The following AFF1 variants were observed in gnomAD, a reference collection of about 807,000 sequenced individuals.
AFF1 encodes the protein ALF transcription elongation factor 1, also known as AF4/FMR2 family member 1.
Under a neutral mutation model 121.7 loss-of-function variants are expected in AFF1, and 48 were observed. The observed-to-expected ratio is 0.39, with a 90% CI of 0.31 to 0.50. The LOEUF is 0.50. AFF1 is among the 20% of genes least tolerant of loss of function. AFF1 has a pLI of 0.76. For synonymous variants in AFF1, 613 were observed against 563.0 expected (o/e 1.09, Z -1.26); for missense variants, 1,523 against 1,511.7 (o/e 1.01, Z -0.12).
intron 4 of AFF1, chr4:87,049,642 G>C (rs1258949977): frequency 2.2e-6 from 1 of 456,104 alleles, no homozygotes; most frequent in Non-Finnish European, 4.4e-6. Flanking sequence ...TTCATCTGCA[G>C]CCTCTGTTCA....
intron 5 of AFF1, among the ~76,000 whole-genome samples, chr4:87,089,434 T>C (rs1362105037): frequency 6.6e-6 from 1 of 152,144 alleles, no homozygotes; most frequent in Admixed American, 6.5e-5. Context: ...CTCCTCTCCT[T>C]CAAAAAAGTT....
intron 4 of AFF1, among the ~76,000 whole-genome samples, chr4:87,060,883 AC>A (rs1720718887): frequency 6.7e-6 from 1 of 149,442 alleles, no homozygotes; most frequent in East Asian, 2.0e-4. Context: ...AAAAACAACA[AC>A]AAAAAAACGG....
rs576548466 is a variant in AFF1 at position 87,074,147 on chromosome 4, A to G, written c.1060-9973A>G. ...AATTGATAGTCCCACTGAAAAAAAA[A>G]AAATTAAATTCTTCCGAAAAACACT... On this transcript the variant is annotated intron_variant, in intron 4 of 20. Coordinates refer to ENST00000395146, the MANE Select transcript of AFF1 (RefSeq NM_001166693.3). Among the ~76,000 whole-genome samples the G allele has an allele frequency of 4.6e-5, 7 of 152,320 alleles. No individual in the cohort carries two copies. In the South Asian group the frequency reaches 1.4e-3, roughly 32 times the overall value.
chr4:86,991,563 C>CT (rs1173972530), intron 2 of AFF1, among the ~76,000 whole-genome samples: 1 of 152,122 alleles, frequency 6.6e-6, no homozygotes, highest in Non-Finnish European at 1.5e-5. Flanking sequence ...TTTAAAATCG[C>CT]TTTATAGTCA....
At chr4:86,975,829 T>TGA (rs903993570) in intron 2 of AFF1, among the ~76,000 whole-genome samples, 17 of 152,174 alleles carry the variant, frequency 1.1e-4, no homozygotes, top group African/African-American at 3.9e-4. Flanking sequence ...AATTGACCTA[T>TGA]GAGAAGTACT....
chr4:86,939,563 C>T (rs1720302731), intron 1 of AFF1, among the ~76,000 whole-genome samples: 2 of 152,190 alleles, frequency 1.3e-5, no homozygotes, highest in Admixed American at 1.3e-4. Flanking sequence ...CCTTACCTTT[C>T]TAAAAATTAA....
intron 8 of AFF1, among the ~76,000 whole-genome samples, chr4:87,097,827 A>C (rs560194599): frequency 2.6e-4 from 40 of 152,220 alleles, no homozygotes; most frequent in Non-Finnish European, 4.7e-4. Flanking sequence ...ATTAGAAGAA[A>C]GTGGTGTCCC....
chr4:87,101,041 C>T (rs894617512), intron 8 of AFF1, among the ~76,000 whole-genome samples: 32 of 152,086 alleles, frequency 2.1e-4, no homozygotes, highest in African/African-American at 7.5e-4. Context: ...ATCTTGTTAC[C>T]CCATAATTCC....
At chr4:87,099,904 G>A (rs763529530) in intron 8 of AFF1, among the ~76,000 whole-genome samples, 1 of 152,160 alleles carries the variant, frequency 6.6e-6, no homozygotes, top group Non-Finnish European at 1.5e-5. Context: ...TCCCAGAGAG[G>A]GTGACATTTG....
At chr4:86,965,226 T>G (rs1722453708) in intron 2 of AFF1, among the ~76,000 whole-genome samples, 1 of 152,264 alleles carries the variant, frequency 6.6e-6, no homozygotes, top group Non-Finnish European at 1.5e-5. Context: ...CAGAATTATG[T>G]AAACAGTGAT....
intron 4 of AFF1, among the ~76,000 whole-genome samples, chr4:87,054,196 C>T (rs1731529150): frequency 2.0e-5 from 3 of 152,230 alleles, no homozygotes; most frequent in South Asian, 2.1e-4. Context: ...CCAGGCCCTC[C>T]CCTAGGGGGG....
At chr4:86,962,125 A>G (rs1433323527) in intron 2 of AFF1, among the ~76,000 whole-genome samples, 2 of 149,418 alleles carry the variant, frequency 1.3e-5, no homozygotes, top group African/African-American at 2.5e-5. Context: ...ATAGCAGGAT[A>G]TTTGGAAAAG....
chr4:87,028,942 AG>A (rs1376132058), intron 2 of AFF1, among the ~76,000 whole-genome samples: 2 of 152,134 alleles, frequency 1.3e-5, no homozygotes, highest in Non-Finnish European at 2.9e-5. Flanking sequence ...CATCCTACAC[AG>A]GTGGGGTCTT....
In AFF1 at chr4:87,138,320, A is replaced by G. The variant is rs955758131; in HGVS notation, c.*2619A>G. ...TTTCACTGCATGCTTACAATTCCCA[A>G]AGGCAAAATCTGTACTGAGGTAGAT... is the stretch of plus-strand genomic sequence containing the variant. On this transcript the variant is annotated 3_prime_UTR_variant, in exon 21 of 21. Coordinates refer to ENST00000395146, the MANE Select transcript of AFF1 (RefSeq NM_001166693.3). The G allele has an allele frequency of 4.3e-6, 1 of 232,302 alleles. No individual in the cohort carries two copies. The highest frequency in any genetic ancestry group is 5.6e-5 in the Admixed American group (1 of 17,764). 14.4% of individuals were successfully genotyped at this position (232,302 alleles called of 1,614,324 possible).
chr4:87,024,196 G>A (rs1728303001), intron 2 of AFF1, among the ~76,000 whole-genome samples: 1 of 152,170 alleles, frequency 6.6e-6, no homozygotes, highest in Non-Finnish European at 1.5e-5. Context: ...ACATGTAAAT[G>A]TCTCCTTGCC....
intron 4 of AFF1, among the ~76,000 whole-genome samples, chr4:87,055,324 C>G (rs1720007581): frequency 6.6e-6 from 1 of 151,992 alleles, no homozygotes; most frequent in African/African-American, 2.4e-5. Context: ...TATAGTAGCC[C>G]AAGAGGAAAG....
rs377109403 is a variant in AFF1 at position 87,047,178 on chromosome 4, G to T, written c.643G>T (p.Val215Phe). The change falls in exon 4 of 21, where the codon GTT (valine) becomes TTT (phenylalanine). Residue 215 changes from valine to phenylalanine, a missense_variant. By Grantham distance (50) the Val-to-Phe change is conservative. Transcript: ENST00000395146. ...TCCCTTAATCTCTTTGCCTTCCCCA[G>T]TTCCCCCTTTGTCACCTATACATTC... Reference protein sequence around the residue: ...LSPLISLPSPVPPLSPIHSNQ... With the variant: ...LSPLISLPSPFPPLSPIHSNQ... 7 of 1,614,020 alleles carry T rather than the reference G, an allele frequency of 4.3e-6. No homozygotes were observed. Among genetic ancestry groups the T allele is most frequent in the African/African-American group, 1.3e-5 (1 of 74,904 alleles).
chr4:87,009,576 C>T (rs558117002), intron 2 of AFF1, among the ~76,000 whole-genome samples: 1 of 152,312 alleles, frequency 6.6e-6, no homozygotes, highest in East Asian at 1.9e-4. Context: ...CTGTTGTTTT[C>T]TTAGTCTGTG....
intron 2 of AFF1, among the ~76,000 whole-genome samples, chr4:87,009,171 G>C (rs994048061): frequency 6.6e-6 from 1 of 152,222 alleles, no homozygotes; most frequent in African/African-American, 2.4e-5. Context: ...AATTGGATTA[G>C]CTCTGACTCT....
Sources: gnomAD v4.1 joint callset for allele counts (sites outside exome capture counted in the v4.1 genomes callset) on GRCh38, gnomAD v4.1.1 for gene constraint, MANE v1.5 for transcripts, NCBI Gene and HGNC (gene_info 2026-07-23, HGNC 2026-07-21) for gene names.